The following ATF3 variants were observed in gnomAD, a reference collection of about 807,000 sequenced individuals.
ATF3 encodes the protein cyclic AMP-dependent transcription factor ATF-3.
A neutral mutation model predicts 18.4 loss-of-function variants in ATF3; 10 were observed. That is an observed-to-expected ratio of 0.54 (90% CI 0.34 to 0.92). ATF3 has a LOEUF of 0.92. Ranked by LOEUF, ATF3 falls within the 40% of genes least tolerant of loss-of-function variation. The pLI is 0.02. For missense variants in ATF3, 183 were observed against 222.3 expected (o/e 0.82, Z 1.12); for synonymous variants, 78 against 87.9 (o/e 0.89, Z 0.63).
chr1:212,584,687 A>G (rs1664746894), intron 1 of ATF3, among the ~76,000 whole-genome samples: 1 of 152,204 alleles, frequency 6.6e-6, no homozygotes, highest in Non-Finnish European at 1.5e-5. Flanking sequence ...ATGCTTGACC[A>G]AATAACTGGG....
intron 1 of ATF3, among the ~76,000 whole-genome samples, chr1:212,588,626 A>AAACAACCAC (rs1664823120): frequency 8.9e-6 from 1 of 112,638 alleles, no homozygotes; most frequent in Non-Finnish European, 2.0e-5. Flanking sequence ...TATAATGAAA[A>AAACAACCAC]AACAACAACC....
chr1:212,566,030 G>T (rs1345430057), intron 1 of ATF3, among the ~76,000 whole-genome samples: 3 of 152,134 alleles, frequency 2.0e-5, no homozygotes, highest in Non-Finnish European at 2.9e-5. Flanking sequence ...AACTGGATAT[G>T]GGCTGGATAT....
upstream of ATF3, among the ~76,000 whole-genome samples, chr1:212,607,050 C>T (rs1654649138): frequency 6.6e-6 from 1 of 152,200 alleles, no homozygotes; most frequent in Non-Finnish European, 1.5e-5. Context: ...GAGGATCCCG[C>T]GTGGAACTCC....
intron 1 of ATF3, among the ~76,000 whole-genome samples, chr1:212,586,724 G>A (rs1243487582): frequency 1.3e-5 from 2 of 152,212 alleles, no homozygotes; most frequent in Non-Finnish European, 2.9e-5. Context: ...CATGTGAAGT[G>A]CTGAGCTGGC....
intron 1 of ATF3, among the ~76,000 whole-genome samples, chr1:212,584,400 G>A (rs1170862600): frequency 6.6e-6 from 1 of 152,152 alleles, no homozygotes; most frequent in Non-Finnish European, 1.5e-5. Context: ...GCAAGCTTGA[G>A]GAGCCAATGG....
At chr1:212,609,978 T>G (rs1654828340) in intron 1 of ATF3, among the ~76,000 whole-genome samples, 1 of 152,090 alleles carries the variant, frequency 6.6e-6, no homozygotes, top group African/African-American at 2.4e-5. Flanking sequence ...TTTGGAGTGG[T>G]GTAGTGGGGA....
chr1:212,583,922 G>T (rs1664731617), intron 1 of ATF3, among the ~76,000 whole-genome samples: 1 of 152,154 alleles, frequency 6.6e-6, no homozygotes, highest in Non-Finnish European at 1.5e-5. Context: ...TATTTACCAA[G>T]TATCTACCAT....
Position 212,618,032 on chromosome 1 carries a change from T to C in ATF3, c.241-95T>C, listed in dbSNP as rs1251412220. 17 of 1,320,012 alleles carry C rather than the reference T, an allele frequency of 1.3e-5. No individual in the cohort carries two copies. The highest frequency in any genetic ancestry group is 1.7e-5 in the Non-Finnish European group (16 of 928,440). The allele number at this position is 1,320,012 out of a possible 1,614,324, so 81.8% of individuals were successfully genotyped here. ...GGTCTTTTAGCGCTAGCATTGCCCT[T>C]GTCTGCCAGCTTTTGCTGGCAGTAA... On this transcript the variant is annotated intron_variant, in intron 2 of 3. Coordinates refer to ENST00000341491, the MANE Select transcript of ATF3 (RefSeq NM_001674.4). The surrounding 1 kb of genome is among the most constrained non-coding windows in gnomAD (Gnocchi z 4.4).
chr1:212,582,823 A>C (rs1664708571), intron 1 of ATF3, among the ~76,000 whole-genome samples: 1 of 152,032 alleles, frequency 6.6e-6, no homozygotes, highest in South Asian at 2.1e-4. Flanking sequence ...ATAGAAATAC[A>C]TTTGCTTACT....
At chr1:212,605,453 G>T (rs1654597035), upstream of ATF3, among the ~76,000 whole-genome samples, 1 of 152,240 alleles carries the variant, frequency 6.6e-6, no homozygotes, top group African/African-American at 2.4e-5. Flanking sequence ...GAGCCAGGCA[G>T]ACAGAGCTGC....
upstream of ATF3, among the ~76,000 whole-genome samples, chr1:212,606,306 T>A (rs989182376): frequency 2.6e-5 from 4 of 152,150 alleles, no homozygotes; most frequent in African/African-American, 9.7e-5. Context: ...TCTTATCACT[T>A]TTCGGGTTTA....
At position 212,619,659 on chromosome 1, in the gene ATF3, T is replaced by C; in HGVS notation, c.*104T>C. Reference sequence around the variant, plus strand: ...GCTGTCTTCCTGTGTACCTCTAGAATCCCAGCAGCAGAGAACCATCAAGGC... The same window carrying C: ...GCTGTCTTCCTGTGTACCTCTAGAACCCCAGCAGCAGAGAACCATCAAGGC... On this transcript the variant is annotated 3_prime_UTR_variant, in exon 4 of 4. Coordinates refer to ENST00000341491, the MANE Select transcript of ATF3 (RefSeq NM_001674.4). This position sits in a 1 kb window ranked among gnomAD's most constrained non-coding sequence, Gnocchi z 4.4. The C allele has an allele frequency of 6.8e-7, 1 of 1,476,094 alleles. No homozygotes were observed. The highest frequency in any genetic ancestry group is 9.2e-7 in the Non-Finnish European group (1 of 1,082,872). The allele number at this position is 1,476,094 out of a possible 1,614,324, so 91.4% of individuals were successfully genotyped here.
At chr1:212,606,212 G>A (rs1274708644), upstream of ATF3, among the ~76,000 whole-genome samples, 1 of 152,232 alleles carries the variant, frequency 6.6e-6, no homozygotes, top group Non-Finnish European at 1.5e-5. Flanking sequence ...GGGCTGAGGG[G>A]AGGGAGGCAG....
At chr1:212,604,940 C>A (rs1654578436), upstream of ATF3, among the ~76,000 whole-genome samples, 1 of 152,152 alleles carries the variant, frequency 6.6e-6, no homozygotes, top group Non-Finnish European at 1.5e-5. Context: ...GGATGGCTTT[C>A]ATCAGTGTCT....
chr1:212,601,082 A>G (rs2102641546), intron 1 of ATF3, among the ~76,000 whole-genome samples: 1 of 152,322 alleles, frequency 6.6e-6, no homozygotes, highest in South Asian at 2.1e-4. Flanking sequence ...ATTGATAGGC[A>G]TAAACTCACT....
chr1:212,597,168 C>T (rs765927638), intron 1 of ATF3, among the ~76,000 whole-genome samples: 1 of 152,128 alleles, frequency 6.6e-6, no homozygotes, highest in African/African-American at 2.4e-5. Flanking sequence ...GGGGCCTCCT[C>T]GGTGACTCAC....
upstream of ATF3, among the ~76,000 whole-genome samples, chr1:212,604,700 G>C (rs957441402): frequency 6.6e-6 from 1 of 152,146 alleles, no homozygotes; most frequent in South Asian, 2.1e-4. Flanking sequence ...AGCTCATAGG[G>C]TGGCTTTGGC....
chr1:212,588,484 C>T (rs1186923823), intron 1 of ATF3, among the ~76,000 whole-genome samples: 3 of 152,036 alleles, frequency 2.0e-5, no homozygotes, highest in Non-Finnish European at 4.4e-5. Flanking sequence ...TCATGCCTAT[C>T]AGATTGGGGC....
upstream of ATF3, among the ~76,000 whole-genome samples, chr1:212,603,992 T>C (rs1654555734): frequency 6.6e-6 from 1 of 152,170 alleles, no homozygotes; most frequent in Non-Finnish European, 1.5e-5. Flanking sequence ...ACAGTGTTAA[T>C]AGTGTTGAGA....
Sources: gnomAD v4.1 joint callset for allele counts (sites outside exome capture counted in the v4.1 genomes callset) on GRCh38, gnomAD v4.1.1 for gene constraint, Gnocchi (gnomAD v3.1) non-coding constraint, MANE v1.5 for transcripts, NCBI Gene and HGNC (gene_info 2026-07-23, HGNC 2026-07-21) for gene names.